The following PREX1 variants were observed in gnomAD, a reference collection of about 807,000 sequenced individuals.
PREX1 encodes phosphatidylinositol 3,4,5-trisphosphate-dependent Rac exchanger 1 protein.
PREX1 carries 41 observed loss-of-function variants against 198.3 expected under a neutral mutation model. That is an observed-to-expected ratio of 0.21 (90% CI 0.16 to 0.27). The LOEUF (loss-of-function observed/expected upper bound fraction) is 0.27, where lower values mean the gene tolerates loss of function less well. Ranked by LOEUF, PREX1 falls within the 10% of genes least tolerant of loss-of-function variation. The pLI is 1.00. For missense variants in PREX1, 1,620 were observed against 2,200.7 expected, an observed-to-expected ratio of 0.74 and a Z score of 5.28; for synonymous variants, 843 against 887.2, an observed-to-expected ratio of 0.95 and a Z score of 0.89.
chr20:48,742,490 A>T (rs1177702649), intron 3 of PREX1, among the ~76,000 whole-genome samples: 1 of 152,148 alleles, frequency 6.6e-6, no homozygotes, highest in Non-Finnish European at 1.5e-5. Context: ...TGCAAAGTCG[A>T]GCAGCTGGGC....
At chr20:48,793,371 T>C (rs1568866211) in intron 1 of PREX1, among the ~76,000 whole-genome samples, 1 of 152,206 alleles carries the variant, frequency 6.6e-6, no homozygotes, top group Non-Finnish European at 1.5e-5. Context: ...AGCTTCTGAA[T>C]ATACCAAAAG....
In PREX1 at chr20:48,682,614, G is replaced by A. The variant is rs11905453; in HGVS notation, c.1335-1279C>T. Reference sequence around the variant, plus strand: ...GTTCTGAGGTCGGCAGGAAGGTCTCGGGGAGACAGAAGTGCTCCCAGGCCA... The same window carrying A: ...GTTCTGAGGTCGGCAGGAAGGTCTCAGGGAGACAGAAGTGCTCCCAGGCCA... On this transcript the variant is annotated intron_variant, in intron 10 of 39. Transcript: ENST00000371941. Among the ~76,000 whole-genome samples the A allele has an allele frequency of 7.3e-3, 1,117 of 152,292 alleles. 13 individuals carry two copies. Among genetic ancestry groups the A allele is most frequent in the African/African-American group, 0.026 (1,068 of 41,562 alleles).
rs1325759612 is a variant in PREX1 at position 48,642,418 on chromosome 20, G to A, written c.3673C>T (p.Leu1225Phe). 6.8e-6 allele frequency: 11 copies of A among 1,613,162 alleles called. No homozygotes were observed. Among genetic ancestry groups the A allele is most frequent in the Non-Finnish European group, 9.3e-6 (11 of 1,179,320 alleles). The change falls in exon 28 of 40, where the codon CTC becomes TTC. Residue 1225 changes from leucine to phenylalanine, a missense_variant. By Grantham distance (22) the Leu-to-Phe change is conservative (BLOSUM62 0). This residue lies in a region of PREX1 where 476 missense variants were observed against 603.4 expected (regional missense o/e 0.79). Transcript: ENST00000371941. ...QDKLHGCLEH[L>F]FNQVDSINAL... ...GGCAAAGGTCCTACCTGGTTAAAGA[G>A]GTGCTCCAGGCAGCCATGAAGCTTG... is the stretch of plus-strand genomic sequence containing the variant.
At chr20:48,755,905 T>C (rs539842055) in intron 1 of PREX1, among the ~76,000 whole-genome samples, 6 of 152,338 alleles carry the variant, frequency 3.9e-5, no homozygotes, top group African/African-American at 1.4e-4. Flanking sequence ...ATTTTTAACA[T>C]AAATGCATGT....
chr20:48,842,092 T>G, the PREX1 span, among the ~76,000 whole-genome samples: 1 of 152,098 alleles, frequency 6.6e-6, no homozygotes, highest in African/African-American at 2.4e-5. Context: ...AGGGGGCTAA[T>G]GATTTCAGCA....
chr20:48,649,159 A>G, intron 25 of PREX1, 141 bp downstream of exon 25: 4 of 1,264,584 alleles, frequency 3.2e-6, no homozygotes, highest in Non-Finnish European at 3.2e-6. Flanking sequence ...GGATAGACGA[A>G]AAAGATACTG....
At chr20:48,785,951 C>T (rs1005579386) in intron 1 of PREX1, among the ~76,000 whole-genome samples, 8 of 152,164 alleles carry the variant, frequency 5.3e-5, no homozygotes, top group African/African-American at 1.2e-4. Flanking sequence ...CAGAAAGAGC[C>T]GGGATGGATG....
intron 5 of PREX1, 134 bp from the exon 6 acceptor site, chr20:48,708,555 G>T: frequency 1.0e-6 from 1 of 971,052 alleles, no homozygotes; most frequent in Middle Eastern, 2.9e-4. Context: ...TAAAGGAGAT[G>T]AGCCAAAGCA....
Position 48,638,311 on chromosome 20 carries a change from CACAG to C in PREX1, c.3905-563_3905-560del, listed in dbSNP as rs1186705619. 4.6e-5 allele frequency among the ~76,000 whole-genome samples: 7 copies of C among 152,272 alleles called. No homozygotes were observed. The South Asian group carries it at 1.2e-3, about 27-fold the overall frequency. ...ACACACACAGGTACACACACATCCA[CACAG>C]ACACACAACAGACACACGAGTGCAC... On this transcript the variant is annotated intron_variant, in intron 30 of 39. Transcript: ENST00000371941.
intron 36 of PREX1, 21 bp from the exon 37 acceptor site, chr20:48,629,642 AAC>A: frequency 1.2e-6 from 2 of 1,609,876 alleles, no homozygotes; most frequent in Non-Finnish European, 1.7e-6. Flanking sequence ...TACCACACAT[AAC>A]CGGGGAGTTG....
At chr20:48,737,201 G>A (rs2090060288) in intron 3 of PREX1, among the ~76,000 whole-genome samples, 1 of 132,158 alleles carries the variant, frequency 7.6e-6, no homozygotes, top group African/African-American at 3.1e-5. Context: ...CAGTAGGTGG[G>A]AAGGTTTTGA....
chr20:48,847,378 AAAAAAAC>A, the PREX1 span, among the ~76,000 whole-genome samples: 19 of 151,314 alleles, frequency 1.3e-4, 1 homozygote, highest in South Asian at 2.1e-4. Context: ...AAAAAAAAAA[AAAAAAAC>A]AAACCCTCCC....
At position 48,629,512 on chromosome 20, in the gene PREX1, G is replaced by C. The variant is rs149963401; in HGVS notation, c.4703C>G (p.Ser1568Cys). The change falls in exon 37 of 40, where the codon TCC (serine) becomes TGC (cysteine). Residue 1568 changes from serine to cysteine, a missense_variant. Coordinates refer to ENST00000371941, the MANE Select transcript of PREX1 (RefSeq NM_020820.4). ...GSVGAGLIPI[S>C]SELCYRLGAC... ...CCCCAGGCGGTAGCAGAGCTCCGAG[G>C]AGATGGGGATGAGGCCGGCGCCCAC... The C allele has an allele frequency of 1.9e-6, 3 of 1,614,018 alleles. No individual in the cohort carries two copies. The African/African-American group carries it at 4.0e-5, about 22-fold the overall frequency.
chr20:48,767,789 C>T (rs542652365), intron 1 of PREX1, among the ~76,000 whole-genome samples: 4 of 152,072 alleles, frequency 2.6e-5, no homozygotes, highest in African/African-American at 4.8e-5. Context: ...TGCTGTTCCC[C>T]GCCCCTCATC....
chr20:48,651,454 C>G lies in PREX1; in HGVS notation c.2597G>C (p.Arg866Thr), dbSNP rs777780810. Residue 866 changes from arginine (R) to threonine (T), a missense_variant, in exon 22 of 40, where the codon AGG becomes ACG. Physicochemically the swap from Arg to Thr is moderately conservative, Grantham distance 71. Transcript: ENST00000371941. ...CACGATCTTCTCCAGCACATGGCACCTGACGCCTGCCGTGCTCACATACTC... is the reference window on the plus strand; with the variant it reads ...CACGATCTTCTCCAGCACATGGCACGTGACGCCTGCCGTGCTCACATACTC... ...VYEYVSTAGV[R>T]CHVLEKIVEP... 4 of 1,613,984 alleles carry G rather than the reference C, an allele frequency of 2.5e-6. No homozygotes were observed. Among genetic ancestry groups the G allele is most frequent in the Admixed American group, 3.3e-5 (2 of 60,022 alleles).
chr20:48,887,456 C>CA, the PREX1 span, among the ~76,000 whole-genome samples: 16 of 151,994 alleles, frequency 1.1e-4, no homozygotes, highest in Non-Finnish European at 2.1e-4. Context: ...CCTGTCTCTA[C>CA]AAAATATACA....
the PREX1 span, among the ~76,000 whole-genome samples, chr20:48,854,538 G>A: frequency 2.0e-5 from 3 of 152,008 alleles, no homozygotes; most frequent in Non-Finnish European, 4.4e-5. Flanking sequence ...TCCAGCCTGG[G>A]CAACAGAGTG....
At chr20:48,841,577 T>C in the PREX1 span, among the ~76,000 whole-genome samples, 4 of 152,332 alleles carry the variant, frequency 2.6e-5, no homozygotes, top group South Asian at 8.3e-4. Flanking sequence ...TCCTCACACA[T>C]GGCCTAACAC....
chr20:48,653,580 T>G, intron 19 of PREX1, 83 bp from the exon 20 acceptor site: 1 of 1,526,866 alleles, frequency 6.5e-7, no homozygotes, highest in Non-Finnish European at 8.9e-7. Flanking sequence ...CACCCACCAC[T>G]GCAACCCCAG....
Sources: gnomAD v4.1 joint callset for allele counts (sites outside exome capture counted in the v4.1 genomes callset) on GRCh38, gnomAD v4.1.1 for gene constraint, gnomAD v4.1.1 regional missense constraint, MANE v1.5 for transcripts, NCBI Gene and HGNC (gene_info 2026-07-23, HGNC 2026-07-21) for gene names.